MASTL: variants seen among roughly 807,000 people sequenced by gnomAD.
MASTL encodes serine/threonine-protein kinase greatwall.
MASTL carries 54 observed loss-of-function variants against 82.5 expected under a neutral mutation model. That is an observed-to-expected ratio of 0.65 (90% CI 0.53 to 0.82). The LOEUF (loss-of-function observed/expected upper bound fraction) is 0.82, where lower values mean the gene tolerates loss of function less well. MASTL is among the 40% of genes least tolerant of loss of function. The probability of loss-of-function intolerance (pLI) is 0.00; values close to 1 mark genes in which losing one functional copy is unlikely to be tolerated. For missense variants in MASTL, 950 were observed against 1,047.8 expected (o/e 0.91, Z 1.29); for synonymous variants, 323 against 368.9 (o/e 0.88, Z 1.43).
intron 11 of MASTL, among the ~76,000 whole-genome samples, chr10:27,185,528 G>A (rs1044986569): frequency 2.7e-5 from 4 of 150,864 alleles, no homozygotes; most frequent in Non-Finnish European, 5.9e-5. Flanking sequence ...AGCTACTCAG[G>A]AGGATGAGGT....
chr10:27,175,672 G>A (rs890729579), intron 9 of MASTL, among the ~76,000 whole-genome samples: 7 of 152,056 alleles, frequency 4.6e-5, no homozygotes, highest in Non-Finnish European at 8.8e-5. Context: ...CTCCCATGAT[G>A]TCAGTTTGTC....
At position 27,181,540 on chromosome 10, in the gene MASTL, T is replaced by C. The variant is rs368263532; in HGVS notation, c.2441T>C (p.Ile814Thr). Residue 814 changes from isoleucine to threonine, a missense_variant, in exon 11 of 12, where the codon ATA becomes ACA. By Grantham distance (89) the Ile-to-Thr change is moderately conservative (BLOSUM62 -1). Coordinates refer to ENST00000375940, the MANE Select transcript of MASTL (RefSeq NM_001172303.3). ...GATAATGCTCAAAGTGCAGTAGAAATACTTTTAACCATTGATGATACAAAG... is the reference window on the plus strand; with the variant it reads ...GATAATGCTCAAAGTGCAGTAGAAACACTTTTAACCATTGATGATACAAAG... ...LSDNAQSAVEILLTIDDTKRA... is the reference protein window; with the variant it reads ...LSDNAQSAVETLLTIDDTKRA... The C allele has an allele frequency of 9.9e-6, 16 of 1,613,190 alleles. No homozygotes were observed. In the African/African-American group the frequency reaches 2.0e-4, roughly 20 times the overall value.
chr10:27,186,252 C>T lies in MASTL; in HGVS notation c.2483-127C>T. 6 of 973,332 alleles carry T rather than the reference C, an allele frequency of 6.2e-6. No homozygotes were observed. In the South Asian group the frequency reaches 6.8e-5, roughly 11 times the overall value. The allele number at this position is 973,332 out of a possible 1,614,324, so 60.3% of individuals were successfully genotyped here. On this transcript the variant is annotated intron_variant, in intron 11 of 11. Transcript: ENST00000375940. ...GGCCTAACAGACATTAAACAAATGT[C>T]TGTGAAACTGACATAATAAAGTAAG...
At chr10:27,184,553 G>GGTTT (rs2058535007) in intron 11 of MASTL, among the ~76,000 whole-genome samples, 1 of 74,916 alleles carries the variant, frequency 1.3e-5, no homozygotes, top group Non-Finnish European at 2.8e-5. Flanking sequence ...ATATAAGAAG[G>GGTTT]ATTTTTTTTT....
In MASTL at chr10:27,159,796, C is replaced by T; in HGVS notation, c.464+38C>T. On this transcript the variant is annotated intron_variant, in intron 3 of 11. Coordinates refer to ENST00000375940, the MANE Select transcript of MASTL (RefSeq NM_001172303.3). This position sits in a 1 kb window ranked among gnomAD's most constrained non-coding sequence, Gnocchi z 4.0. The stretch of plus-strand genomic sequence containing the variant: ...TTCTCCAAATTATTACTTAAAAATT[C>T]AAGTAATCAAATTACATATTTGAGT... The T allele has an allele frequency of 1.3e-6, 2 of 1,555,778 alleles. No individual in the cohort carries two copies. Among genetic ancestry groups the T allele is most frequent in the South Asian group, 1.1e-5 (1 of 89,760 alleles).
At chr10:27,156,721 T>C (rs1207017996) in intron 1 of MASTL, among the ~76,000 whole-genome samples, 1 of 151,830 alleles carries the variant, frequency 6.6e-6, no homozygotes, top group African/African-American at 2.4e-5. Flanking sequence ...GTTTTGGTTA[T>C]GTTGGCCAGG....
In MASTL at chr10:27,172,942, T is replaced by G. The variant is rs186285201; in HGVS notation, c.2125-176T>G. Among the ~76,000 whole-genome samples, 333 of 152,314 alleles carry G rather than the reference T, an allele frequency of 2.2e-3. 2 individuals are homozygous for G. Among genetic ancestry groups the G allele is most frequent in the African/African-American group, 7.6e-3 (316 of 41,574 alleles). On this transcript the variant is annotated intron_variant, in intron 8 of 11. Transcript: ENST00000375940. ...TTTGAACTTCACCAGATAAAAGGAC[T>G]TTTTCATAATTATAACTAATTATGC...
In MASTL at chr10:27,181,673, G is replaced by T. The variant is rs547696765; in HGVS notation, c.2482+92G>T. On this transcript the variant is annotated intron_variant, in intron 11 of 11. Transcript: ENST00000375940. ...TAGCAAGTTCTGGCTGGGCGTGGTG[G>T]CTCACGCCTGTAATCCCAGCACTTT... is the stretch of plus-strand genomic sequence containing the variant. 13 of 900,488 alleles carry T rather than the reference G, an allele frequency of 1.4e-5. No homozygotes were observed. The African/African-American group carries it at 1.7e-4, about 12-fold the overall frequency. 55.8% of individuals were successfully genotyped at this position (900,488 alleles called of 1,614,324 possible).
Position 27,155,414 on chromosome 10 carries a change from A to T in MASTL, c.-13A>T. On this transcript the variant is annotated 5_prime_UTR_variant, in exon 1 of 12. An upstream start codon of the reference 5' UTR is lost. Transcript: ENST00000375940. ...GGGGCAGTGTCTGCGGGGCCGCTGTATGCTGTCCAGCGATGGATCCCACCG... is the reference window on the plus strand; with the variant it reads ...GGGGCAGTGTCTGCGGGGCCGCTGTTTGCTGTCCAGCGATGGATCCCACCG... The T allele has an allele frequency of 6.3e-7, 1 of 1,599,174 alleles. No homozygotes were observed. The highest frequency in any genetic ancestry group is 8.5e-7 in the Non-Finnish European group (1 of 1,174,456).
At chr10:27,162,856 A>G (rs2057616355) in intron 4 of MASTL, among the ~76,000 whole-genome samples, 1 of 152,084 alleles carries the variant, frequency 6.6e-6, no homozygotes, top group African/African-American at 2.4e-5. Flanking sequence ...AATACCTAAA[A>G]CTTTTTACTA....
At chr10:27,180,427 T>G (rs2058236803) in intron 9 of MASTL, among the ~76,000 whole-genome samples, 1 of 152,144 alleles carries the variant, frequency 6.6e-6, no homozygotes, top group Non-Finnish European at 1.5e-5. Flanking sequence ...AGTCTTGCTC[T>G]GTCGCCCAGG....
intron 1 of MASTL, among the ~76,000 whole-genome samples, chr10:27,156,044 T>C (rs1450779303): frequency 6.6e-6 from 1 of 152,116 alleles, no homozygotes; most frequent in Non-Finnish European, 1.5e-5. Context: ...TTGCTCTGTT[T>C]CCCAGGCTGG....
At position 27,180,944 on chromosome 10, in the gene MASTL, C is replaced by G. The variant is rs751360036; in HGVS notation, c.2267-9C>G. The G allele has an allele frequency of 2.6e-6, 4 of 1,555,080 alleles. No homozygotes were observed. The South Asian group carries it at 4.4e-5, about 17-fold the overall frequency. ...CTTGCAACTTTAGCTGTTTCCTCTT[C>G]GATTACAGGTCCTGCGGTAGACTGG... On this transcript the variant is annotated splice_polypyrimidine_tract_variant and intron_variant, in intron 9 of 11. Transcript: ENST00000375940.
chr10:27,167,512 A>G (rs1341085432), intron 7 of MASTL, among the ~76,000 whole-genome samples: 1 of 152,176 alleles, frequency 6.6e-6, no homozygotes, highest in African/African-American at 2.4e-5. Flanking sequence ...TCTTGCAGTA[A>G]ATTGATAATA....
rs752147433 is a variant in MASTL, at chr10:27,184,554, A to ATTTTTTTTTTTTTT, written c.2483-1814_2483-1801dup. Among the ~76,000 whole-genome samples the ATTTTTTTTTTTTTT allele has an allele frequency of 4.7e-5, 4 of 84,848 alleles. 1 individual carries two copies. The highest frequency in any genetic ancestry group is 1.4e-4 in the African/African-American group (3 of 21,318). The allele number at this position is 84,848 out of a possible 152,430, so 55.7% of individuals were successfully genotyped here. A position where few individuals can be genotyped will look rare whatever the true frequency, so the allele number is the denominator to read the frequency against. ...AAAAACACTATCACATATAAGAAGG[A>ATTTTTTTTTTTTTT]TTTTTTTTTTTTTTTTTTTTTTTTG... On this transcript the variant is annotated intron_variant, in intron 11 of 11. Transcript: ENST00000375940.
chr10:27,159,745 G>A lies in MASTL; in HGVS notation c.451G>A (p.Gly151Arg). 6.2e-7 allele frequency: 1 copy of A among 1,611,894 alleles called. No homozygotes were observed. Among genetic ancestry groups the A allele is most frequent in the South Asian group, 1.1e-5 (1 of 91,014 alleles). ...GGCTCTAGACTACCTTCACAGACAT[G>A]GAATCATCCACAGGTAAAGACTGAC... ...ALALDYLHRHGIIHRDLKPDN... is the reference protein window; with the variant it reads ...ALALDYLHRHRIIHRDLKPDN... Residue 151 changes from glycine (G) to arginine (R), a missense_variant, in exon 3 of 12, where the codon GGA becomes AGA. Physicochemically the swap from Gly to Arg is moderately radical, Grantham distance 125. Transcript: ENST00000375940. This position sits in a 1 kb window ranked among gnomAD's most constrained non-coding sequence, Gnocchi z 4.0.
chr10:27,173,336 T>C (rs2058010784), intron 9 of MASTL, 77 bp downstream of exon 9: 1 of 1,548,428 alleles, frequency 6.5e-7, no homozygotes, highest in African/African-American at 1.4e-5. Flanking sequence ...TTTAAAAAAT[T>C]TCTTCAGTAC....
rs748227359 is a variant in MASTL at position 27,159,475 on chromosome 10, G to A, written c.325-144G>A. On this transcript the variant is annotated intron_variant, in intron 2 of 11. Coordinates refer to ENST00000375940, the MANE Select transcript of MASTL (RefSeq NM_001172303.3). The surrounding 1 kb of genome is among the most constrained non-coding windows in gnomAD (Gnocchi z 4.0). ...TGTTATGGCAACATGAATAAACCTA[G>A]TATTAATGTATTACGAGTAATAGCA... The A allele has an allele frequency of 9.7e-6, 6 of 620,718 alleles. No individual in the cohort carries two copies. The highest frequency in any genetic ancestry group is 5.5e-5 in the Admixed American group (2 of 36,426). 38.5% of individuals were successfully genotyped at this position (620,718 alleles called of 1,614,324 possible). A position where few individuals can be genotyped will look rare whatever the true frequency, so the allele number is the denominator to read the frequency against.
intron 8 of MASTL, among the ~76,000 whole-genome samples, chr10:27,172,666 CTTG>C (rs2057987656): frequency 6.6e-6 from 1 of 151,844 alleles, no homozygotes. Context: ...AAAAAAAAAA[CTTG>C]TTGTGAAATA....
Sources: gnomAD v4.1 joint callset for allele counts (sites outside exome capture counted in the v4.1 genomes callset) on GRCh38, gnomAD v4.1.1 for gene constraint, Gnocchi (gnomAD v3.1) non-coding constraint, MANE v1.5 for transcripts, NCBI Gene and HGNC (gene_info 2026-07-23, HGNC 2026-07-21) for gene names.